Variants in STXBP5L observed in about 807,000 individuals in gnomAD.
STXBP5L encodes syntaxin-binding protein 5-like.
STXBP5L carries 65 observed loss-of-function variants against 144.5 expected under a neutral mutation model. That is an observed-to-expected ratio of 0.45 (90% CI 0.37 to 0.55). The LOEUF (loss-of-function observed/expected upper bound fraction) is 0.55. Ranked by LOEUF, STXBP5L falls within the 20% of genes least tolerant of loss-of-function variation. STXBP5L has a pLI of 0.00. For synonymous variants in STXBP5L, 505 were observed against 469.6 expected (o/e 1.08, Z -0.97); for missense variants, 1,298 against 1,405.5 (o/e 0.92, Z 1.22).
At chr3:120,921,968 A>C (rs1172877964) in intron 2 of STXBP5L, among the ~76,000 whole-genome samples, 1 of 151,830 alleles carries the variant, frequency 6.6e-6, no homozygotes, top group Non-Finnish European at 1.5e-5. Flanking sequence ...GTTTCATATA[A>C]ATTTTAGGAT....
chr3:121,390,199 G>A (rs963306327), intron 22 of STXBP5L, among the ~76,000 whole-genome samples: 1 of 152,050 alleles, frequency 6.6e-6, no homozygotes, highest in African/African-American at 2.4e-5. Flanking sequence ...TCAGAGACTA[G>A]GATTGCAATC....
At chr3:121,394,916 A>G (rs926216343) in intron 22 of STXBP5L, among the ~76,000 whole-genome samples, 2 of 152,170 alleles carry the variant, frequency 1.3e-5, no homozygotes, top group Non-Finnish European at 2.9e-5. Context: ...TTAGATTTTT[A>G]AAATTCACTG....
At chr3:121,296,023 T>C (rs1484704024) in intron 19 of STXBP5L, among the ~76,000 whole-genome samples, 1 of 152,188 alleles carries the variant, frequency 6.6e-6, no homozygotes, top group Non-Finnish European at 1.5e-5. Context: ...TTATAAAAGT[T>C]GGTGTGATTC....
At chr3:121,026,449 ATTTG>A (rs1297714121) in intron 3 of STXBP5L, among the ~76,000 whole-genome samples, 5 of 151,926 alleles carry the variant, frequency 3.3e-5, no homozygotes, top group Non-Finnish European at 7.4e-5. Flanking sequence ...CATTTTGCTT[ATTTG>A]TTTGCTGTTG....
At chr3:121,095,156 G>A (rs1286260323) in intron 5 of STXBP5L, among the ~76,000 whole-genome samples, 8 of 152,088 alleles carry the variant, frequency 5.3e-5, no homozygotes, top group Admixed American at 1.3e-4. Flanking sequence ...CGAGAGATCC[G>A]CTGTTAGTCT....
At chr3:121,333,622 G>C (rs2044402881) in intron 20 of STXBP5L, among the ~76,000 whole-genome samples, 1 of 149,706 alleles carries the variant, frequency 6.7e-6, no homozygotes. Context: ...AATAAGATAA[G>C]CTGCTAACTA....
intron 5 of STXBP5L, among the ~76,000 whole-genome samples, chr3:121,110,787 AG>A (rs888040533): frequency 1.8e-4 from 27 of 152,084 alleles, no homozygotes; most frequent in African/African-American, 6.3e-4. Context: ...TTGCTAGGTT[AG>A]GGAAGTTCTT....
At chr3:121,404,045 C>A (rs1234648290) in intron 22 of STXBP5L, among the ~76,000 whole-genome samples, 9 of 152,112 alleles carry the variant, frequency 5.9e-5, no homozygotes. Context: ...GTCTGGACCT[C>A]TCCACAAATT....
chr3:121,410,463 A>G (rs558779897), intron 23 of STXBP5L, among the ~76,000 whole-genome samples: 1 of 152,196 alleles, frequency 6.6e-6, no homozygotes, highest in South Asian at 2.1e-4. Flanking sequence ...TCTATGGTTT[A>G]AAGAAATGAA....
chr3:121,370,198 C>T (rs899077445), intron 20 of STXBP5L, among the ~76,000 whole-genome samples: 5 of 152,062 alleles, frequency 3.3e-5, no homozygotes, highest in African/African-American at 1.2e-4. Flanking sequence ...AAACCCGTCT[C>T]TACTAAAAAT....
intron 20 of STXBP5L, among the ~76,000 whole-genome samples, chr3:121,340,820 CAT>C (rs2044682623): frequency 2.6e-5 from 4 of 151,992 alleles, no homozygotes; most frequent in African/African-American, 9.7e-5. Flanking sequence ...AGTATAATAA[CAT>C]ATAAATAGAA....
In STXBP5L at chr3:121,406,724, T is replaced by C. The variant is rs58198561; in HGVS notation, c.2588-519T>C. 3.5e-4 allele frequency among the ~76,000 whole-genome samples: 54 copies of C among 152,222 alleles called. 1 individual carries two copies. In the East Asian group the frequency reaches 9.6e-3, roughly 27 times the overall value. ...CCAGATATTGAAATTTCTTCTTGTT[T>C]GATTTTGAAGAAAAATCAAGCATTT... On this transcript the variant is annotated intron_variant, in intron 22 of 26. Transcript: ENST00000471454.
At chr3:121,297,202 ATGTGTGTGTGTGTG>A (rs71133526) in intron 19 of STXBP5L, among the ~76,000 whole-genome samples, 31 of 148,340 alleles carry the variant, frequency 2.1e-4, no homozygotes, top group Middle Eastern at 3.5e-3. Context: ...TCTACATTAT[ATGTGTGTGTGTGTG>A]TGTGTGTGTG....
intron 5 of STXBP5L, among the ~76,000 whole-genome samples, chr3:121,112,487 A>G (rs2044033008): frequency 6.6e-6 from 1 of 150,694 alleles, no homozygotes; most frequent in Non-Finnish European, 1.5e-5. Flanking sequence ...TTCAGTCCCA[A>G]TGAGAGAATT....
intron 22 of STXBP5L, among the ~76,000 whole-genome samples, chr3:121,398,877 T>G (rs1002563455): frequency 1.3e-5 from 2 of 152,144 alleles, no homozygotes; most frequent in Non-Finnish European, 2.9e-5. Flanking sequence ...GCCAAGCCTC[T>G]AAATCACCCT....
intron 20 of STXBP5L, among the ~76,000 whole-genome samples, chr3:121,355,922 A>G (rs1156319034): frequency 6.6e-6 from 1 of 152,110 alleles, no homozygotes; most frequent in East Asian, 1.9e-4. Context: ...TCTGTTTGTT[A>G]GTTTTCCTTC....
At chr3:121,086,479 C>T (rs1488970047) in intron 5 of STXBP5L, among the ~76,000 whole-genome samples, 1 of 151,960 alleles carries the variant, frequency 6.6e-6, no homozygotes, top group Non-Finnish European at 1.5e-5. Flanking sequence ...TATTTAGATA[C>T]ACAAATGTTT....
At chr3:120,978,135 A>T (rs1278385533) in intron 3 of STXBP5L, among the ~76,000 whole-genome samples, 2 of 152,162 alleles carry the variant, frequency 1.3e-5, no homozygotes, top group Non-Finnish European at 2.9e-5. Context: ...TATCCTGCAG[A>T]GTGTTTTCCA....
At chr3:121,321,595 AG>A (rs1234499443) in intron 20 of STXBP5L, among the ~76,000 whole-genome samples, 16 of 152,202 alleles carry the variant, frequency 1.1e-4, no homozygotes, top group Non-Finnish European at 2.2e-4. Context: ...TTGTATTTCT[AG>A]CAAGCTCTTG....
Sources: allele counts gnomAD v4.1 joint callset (sites outside exome capture counted in the v4.1 genomes callset), GRCh38; gene constraint gnomAD v4.1.1; transcripts MANE v1.5; gene names NCBI Gene and HGNC (gene_info 2026-07-23, HGNC 2026-07-21).